KCND2: variants seen among roughly 807,000 people sequenced by gnomAD.
KCND2 encodes the protein potassium voltage-gated channel subfamily D member 2.
Under a neutral mutation model 54.4 loss-of-function variants are expected in KCND2, and 16 were observed. The observed-to-expected ratio is 0.29, with a 90% CI of 0.20 to 0.45. The LOEUF (loss-of-function observed/expected upper bound fraction) is 0.45. Among genes scored for constraint, KCND2 ranks in the 20% least tolerant of loss-of-function variants. KCND2 has a pLI of 1.00. For synonymous variants in KCND2, 317 were observed against 310.7 expected (o/e 1.02, Z -0.21); for missense variants, 486 against 824.2 (o/e 0.59, Z 5.02).
intron 1 of KCND2, among the ~76,000 whole-genome samples, chr7:120,293,113 C>G (rs548741378): frequency 5.3e-5 from 8 of 152,050 alleles, no homozygotes; most frequent in Non-Finnish European, 1.2e-4. Flanking sequence ...TGAGAATAAA[C>G]TCTACCATAT....
chr7:120,731,162 G>T (rs75288231), intron 1 of KCND2, among the ~76,000 whole-genome samples: 1 of 152,194 alleles, frequency 6.6e-6, no homozygotes, highest in Non-Finnish European at 1.5e-5. Context: ...CTAATATGTA[G>T]TAGGAGCTGG....
chr7:120,357,925 T>C (rs570778783), intron 1 of KCND2, among the ~76,000 whole-genome samples: 1 of 152,256 alleles, frequency 6.6e-6, no homozygotes, highest in Non-Finnish European at 1.5e-5. Flanking sequence ...CATCGGGGGT[T>C]GCAGCTTCAT....
chr7:120,586,527 G>C (rs910764829), intron 1 of KCND2, among the ~76,000 whole-genome samples: 5 of 152,122 alleles, frequency 3.3e-5, no homozygotes, highest in Admixed American at 1.3e-4. Context: ...AAAATTGACA[G>C]GCACAAATGA....
rs368518810 is a variant in KCND2 at position 120,582,720 on chromosome 7, T to C, written c.1116-150183T>C. Among the ~76,000 whole-genome samples the C allele has an allele frequency of 3.3e-5, 5 of 152,310 alleles. No individual in the cohort carries two copies. The South Asian group carries it at 1.0e-3, about 32-fold the overall frequency. ...TATTCTAAGATATATAATTAAATAA[T>C]TCTCCGCTGATACCATCTCTTCATC... On this transcript the variant is annotated intron_variant, in intron 1 of 5. Coordinates refer to ENST00000331113, the MANE Select transcript of KCND2 (RefSeq NM_012281.3).
chr7:120,741,688 G>C, intron 3 of KCND2, 59 bp downstream of exon 3: 1 of 1,149,000 alleles, frequency 8.7e-7, no homozygotes, highest in Non-Finnish European at 1.3e-6. Context: ...TATTGATTTA[G>C]TTCTACTTTC....
intron 1 of KCND2, among the ~76,000 whole-genome samples, chr7:120,637,826 C>T (rs933797222): frequency 7.2e-5 from 11 of 152,078 alleles, no homozygotes; most frequent in African/African-American, 2.7e-4. Context: ...TCATAGAGTT[C>T]TAGGACCTAG....
chr7:120,570,354 A>G (rs1792348386), intron 1 of KCND2, among the ~76,000 whole-genome samples: 2 of 151,810 alleles, frequency 1.3e-5, no homozygotes, highest in Admixed American at 6.6e-5. Flanking sequence ...CCCAGATTTT[A>G]CCACTGTGCA....
intron 1 of KCND2, among the ~76,000 whole-genome samples, chr7:120,301,084 G>C (rs1291296900): frequency 6.6e-6 from 1 of 152,012 alleles, no homozygotes; most frequent in Non-Finnish European, 1.5e-5. Flanking sequence ...TTTTCTTGAT[G>C]AATTATATAC....
At chr7:120,475,501 C>A (rs889427339) in intron 1 of KCND2, among the ~76,000 whole-genome samples, 4 of 152,000 alleles carry the variant, frequency 2.6e-5, no homozygotes, top group African/African-American at 9.7e-5. Flanking sequence ...TTTTTTATTT[C>A]CATTTTCCAT....
At chr7:120,581,945 CT>C (rs1792520850) in intron 1 of KCND2, among the ~76,000 whole-genome samples, 1 of 152,024 alleles carries the variant, frequency 6.6e-6, no homozygotes, top group South Asian at 2.1e-4. Flanking sequence ...AACTCCTGAC[CT>C]CAAGTCATCC....
At chr7:120,561,698 G>A (rs1396950583) in intron 1 of KCND2, among the ~76,000 whole-genome samples, 1 of 127,844 alleles carries the variant, frequency 7.8e-6, no homozygotes, top group African/African-American at 3.0e-5. Flanking sequence ...TGCATCCTTC[G>A]CCTCCCAGGT....
chr7:120,505,872 A>G (rs1053449507), intron 1 of KCND2, among the ~76,000 whole-genome samples: 1 of 151,858 alleles, frequency 6.6e-6, no homozygotes, highest in Non-Finnish European at 1.5e-5. Flanking sequence ...CTTATAACAT[A>G]CAATCCCCTG....
intron 1 of KCND2, among the ~76,000 whole-genome samples, chr7:120,576,804 G>T (rs1361415407): frequency 6.6e-6 from 1 of 152,144 alleles, no homozygotes; most frequent in Admixed American, 6.6e-5. Flanking sequence ...TTTAAGTAAA[G>T]TGAAAATATG....
At chr7:120,445,740 T>A (rs1393785256) in intron 1 of KCND2, among the ~76,000 whole-genome samples, 2 of 152,150 alleles carry the variant, frequency 1.3e-5, no homozygotes, top group Non-Finnish European at 2.9e-5. Flanking sequence ...TTTCAAAATA[T>A]ATCTGGCATG....
At chr7:120,297,391 A>G (rs1799527686) in intron 1 of KCND2, among the ~76,000 whole-genome samples, 1 of 152,068 alleles carries the variant, frequency 6.6e-6, no homozygotes. Flanking sequence ...ACATCATTTC[A>G]TTCTTTTTAT....
At chr7:120,620,383 CT>C (rs1366059195) in intron 1 of KCND2, among the ~76,000 whole-genome samples, 1 of 152,020 alleles carries the variant, frequency 6.6e-6, no homozygotes, top group Non-Finnish European at 1.5e-5. Context: ...ACTGCTATAT[CT>C]TTAGTAGGAG....
chr7:120,576,742 A>G (rs1182432785), intron 1 of KCND2, among the ~76,000 whole-genome samples: 1 of 152,202 alleles, frequency 6.6e-6, no homozygotes, highest in Non-Finnish European at 1.5e-5. Context: ...GAATCCACAG[A>G]TGATTACAGA....
chr7:120,351,266 A>ATATATC (rs1375713144), intron 1 of KCND2, among the ~76,000 whole-genome samples: 3 of 145,304 alleles, frequency 2.1e-5, no homozygotes, highest in African/African-American at 5.1e-5. Context: ...ATATATATAT[A>ATATATC]TCCAGTATAT....
chr7:120,705,279 T>C (rs1421274657), intron 1 of KCND2, among the ~76,000 whole-genome samples: 2 of 152,212 alleles, frequency 1.3e-5, no homozygotes, highest in African/African-American at 4.8e-5. Context: ...AATTAGATGA[T>C]CTGGATGGCT....
Sources: allele counts gnomAD v4.1 joint callset (sites outside exome capture counted in the v4.1 genomes callset), GRCh38; gene constraint gnomAD v4.1.1; transcripts MANE v1.5; gene names NCBI Gene and HGNC (gene_info 2026-07-23, HGNC 2026-07-21).